Variants in PARP8 observed in about 807,000 individuals in gnomAD.
PARP8 encodes the protein poly(ADP-ribose) polymerase family member 8, also known as protein mono-ADP-ribosyltransferase PARP8.
Under a neutral mutation model 124.1 loss-of-function variants are expected in PARP8, and 51 were observed. The ratio of observed to expected loss-of-function variants is 0.41; its 90% CI spans 0.33 to 0.52. PARP8 has a LOEUF of 0.52. PARP8 is among the 20% of genes least tolerant of loss of function. The pLI is 0.21. For missense variants in PARP8, 860 were observed against 1,018.9 expected (o/e 0.84, Z 2.12); for synonymous variants, 391 against 361.5 (o/e 1.08, Z -0.93).
At chr5:50,798,070 GC>G (rs1466806808) in intron 14 of PARP8, among the ~76,000 whole-genome samples, 2 of 152,124 alleles carry the variant, frequency 1.3e-5, no homozygotes, top group Admixed American at 1.3e-4. Flanking sequence ...CAGTATGTGG[GC>G]TTTTGTTTCT....
chr5:50,795,558 T>C, intron 12 of PARP8, 141 bp downstream of exon 12: 1 of 676,618 alleles, frequency 1.5e-6, no homozygotes, highest in South Asian at 2.7e-5. Context: ...TTGGATATTG[T>C]TTTGCATCCC....
chr5:50,703,299 C>CAAAA (rs34772044), intron 2 of PARP8, among the ~76,000 whole-genome samples: 1 of 117,506 alleles, frequency 8.5e-6, no homozygotes, highest in Non-Finnish European at 1.9e-5. Context: ...GACCGTGTCT[C>CAAAA]AAAAAAAAAA....
At position 50,778,140 on chromosome 5, in the gene PARP8, A is replaced by G; in HGVS notation, c.579+11A>G. On this transcript the variant is annotated intron_variant, in intron 8 of 25. Transcript: ENST00000281631. ...GTTAGCTTTCTTGATGTAAGTATCAATTTTATGTAATATGAATGGTGCATT... is the reference window on the plus strand; with the variant it reads ...GTTAGCTTTCTTGATGTAAGTATCAGTTTTATGTAATATGAATGGTGCATT... The G allele has an allele frequency of 6.5e-7, 1 of 1,540,014 alleles. No homozygotes were observed. The highest frequency in any genetic ancestry group is 1.2e-5 in the South Asian group (1 of 86,658).
At chr5:50,701,238 G>A (rs1753562884) in intron 2 of PARP8, among the ~76,000 whole-genome samples, 1 of 152,056 alleles carries the variant, frequency 6.6e-6, no homozygotes, top group African/African-American at 2.4e-5. Context: ...GTTTCATATA[G>A]TTATTGTTAA....
intron 3 of PARP8, among the ~76,000 whole-genome samples, chr5:50,751,906 T>G (rs1362327995): frequency 1.3e-5 from 2 of 152,170 alleles, no homozygotes; most frequent in Non-Finnish European, 2.9e-5. Flanking sequence ...GAGTTGTTGG[T>G]TAATATGCTT....
intron 2 of PARP8, among the ~76,000 whole-genome samples, chr5:50,679,658 G>T (rs996413206): frequency 1.3e-5 from 2 of 152,080 alleles, no homozygotes; most frequent in Non-Finnish European, 2.9e-5. Context: ...TTACCCAACA[G>T]GCAAGTGGTG....
intron 10 of PARP8, among the ~76,000 whole-genome samples, chr5:50,790,108 AC>A (rs1295330627): frequency 2.0e-5 from 3 of 152,220 alleles, no homozygotes; most frequent in Admixed American, 6.5e-5. Context: ...AAAGGAAAAA[AC>A]ATTCTTATAA....
intron 2 of PARP8, among the ~76,000 whole-genome samples, chr5:50,732,829 A>G (rs1757104990): frequency 6.6e-6 from 1 of 151,848 alleles, no homozygotes; most frequent in South Asian, 2.1e-4. Context: ...CGTGTTGGCA[A>G]GGATGGTCTC....
At chr5:50,745,523 C>G (rs999104661) in intron 2 of PARP8, among the ~76,000 whole-genome samples, 14 of 152,284 alleles carry the variant, frequency 9.2e-5, no homozygotes, top group Admixed American at 7.8e-4. Flanking sequence ...GTTTAACCAA[C>G]TTTTCTTATG....
intron 14 of PARP8, among the ~76,000 whole-genome samples, chr5:50,801,193 C>A (rs781521351): frequency 6.6e-6 from 1 of 151,862 alleles, no homozygotes; most frequent in South Asian, 2.1e-4. Flanking sequence ...CTCTGCCTCC[C>A]GGGTTCAAGT....
intron 14 of PARP8, among the ~76,000 whole-genome samples, chr5:50,810,974 G>A (rs757606106): frequency 5.9e-5 from 9 of 152,112 alleles, no homozygotes; most frequent in East Asian, 1.9e-4. Context: ...TTTACTTCTC[G>A]TTTTTTAGTA....
intron 7 of PARP8, among the ~76,000 whole-genome samples, chr5:50,770,913 C>T (rs1423433131): frequency 2.6e-5 from 4 of 151,694 alleles, no homozygotes; most frequent in Admixed American, 1.3e-4. Context: ...ACTTTCATAC[C>T]GAAATTTGCA....
intron 22 of PARP8, among the ~76,000 whole-genome samples, chr5:50,832,455 TCTCCTTC>T (rs1263083044): frequency 6.6e-6 from 1 of 152,192 alleles, no homozygotes; most frequent in Non-Finnish European, 1.5e-5. Context: ...CCCTTTATTT[TCTCCTTC>T]TCCTAGCCAG....
At chr5:50,695,520 AT>A (rs1752931776) in intron 2 of PARP8, among the ~76,000 whole-genome samples, 2 of 152,214 alleles carry the variant, frequency 1.3e-5, no homozygotes, top group Non-Finnish European at 2.9e-5. Context: ...CTAATTAATG[AT>A]TATTGTCAAT....
At chr5:50,723,023 AGTTATTAAATCT>A (rs1756057041) in intron 2 of PARP8, among the ~76,000 whole-genome samples, 2 of 152,098 alleles carry the variant, frequency 1.3e-5, no homozygotes, top group South Asian at 4.1e-4. Flanking sequence ...TAAAGATGAG[AGTTATTAAATCT>A]TGCCCAGCCT....
At chr5:50,837,835 G>A (rs1208541137) in intron 25 of PARP8, among the ~76,000 whole-genome samples, 4 of 151,836 alleles carry the variant, frequency 2.6e-5, no homozygotes, top group Non-Finnish European at 5.9e-5. Flanking sequence ...AAAAATTTTT[G>A]TTGGAAAATT....
In PARP8 at chr5:50,763,256, A is replaced by G; in HGVS notation, c.518+14A>G. 1 of 1,555,552 alleles carries G rather than the reference A, an allele frequency of 6.4e-7. No homozygotes were observed. Among genetic ancestry groups the G allele is most frequent in the Non-Finnish European group, 8.9e-7 (1 of 1,128,266 alleles). ...AGTTTCTCTCAGGTAAATAAGTATC[A>G]CTGGTGAATAAAATTAAAGTTTTAT... On this transcript the variant is annotated intron_variant, in intron 7 of 25. Transcript: ENST00000281631.
chr5:50,723,426 A>G (rs1420245678), intron 2 of PARP8, among the ~76,000 whole-genome samples: 1 of 152,108 alleles, frequency 6.6e-6, no homozygotes, highest in Non-Finnish European at 1.5e-5. Flanking sequence ...GATGGCAATT[A>G]CAATATTAAT....
intron 2 of PARP8, among the ~76,000 whole-genome samples, chr5:50,682,343 A>G (rs1751387370): frequency 6.6e-6 from 1 of 152,176 alleles, no homozygotes; most frequent in Non-Finnish European, 1.5e-5. Context: ...TCATTTGACT[A>G]TAAATAAAAA....
Sources: allele counts gnomAD v4.1 joint callset (sites outside exome capture counted in the v4.1 genomes callset), GRCh38; gene constraint gnomAD v4.1.1; transcripts MANE v1.5; gene names NCBI Gene and HGNC (gene_info 2026-07-23, HGNC 2026-07-21).